The following MFSD11 variants were observed in gnomAD, a reference collection of about 807,000 sequenced individuals.
MFSD11 encodes the protein UNC93-like protein MFSD11.
MFSD11 carries 36 observed loss-of-function variants against 53.5 expected under a neutral mutation model. The observed-to-expected ratio is 0.67, with a 90% CI of 0.52 to 0.89. The LOEUF is 0.89. MFSD11 is among the 40% of genes least tolerant of loss of function. MFSD11 has a pLI of 0.00. For missense variants in MFSD11, 530 were observed against 543.9 expected (o/e 0.97, Z 0.25); for synonymous variants, 186 against 184.9 (o/e 1.01, Z -0.05).
At chr17:76,768,399 TAAAG>T (rs1052662284) in intron 9 of MFSD11, among the ~76,000 whole-genome samples, 5 of 152,014 alleles carry the variant, frequency 3.3e-5, no homozygotes, top group African/African-American at 1.2e-4. Context: ...TCAAGAATGA[TAAAG>T]AAATTTGTTT....
At chr17:76,744,585 G>A (rs2078386707) in intron 7 of MFSD11, 119 bp downstream of exon 7, 1 of 844,686 alleles carries the variant, frequency 1.2e-6, no homozygotes, top group Non-Finnish European at 1.7e-6. Context: ...GTTACCACAG[G>A]CAAGAAAAGG....
intron 9 of MFSD11, among the ~76,000 whole-genome samples, chr17:76,768,473 C>G (rs1033862850): frequency 1.3e-5 from 2 of 151,958 alleles, no homozygotes; most frequent in Non-Finnish European, 2.9e-5. Flanking sequence ...CTCATAGATA[C>G]AACATATTTT....
At chr17:76,744,616 G>T in intron 7 of MFSD11, 150 bp downstream of exon 7, 1 of 717,452 alleles carries the variant, frequency 1.4e-6, no homozygotes, top group Non-Finnish European at 2.2e-6. Context: ...AGGAGGAGCT[G>T]CGAGGGAGGA....
intron 7 of MFSD11, chr17:76,745,498 G>A (rs2078452188): frequency 6.6e-6 from 1 of 152,156 alleles, no homozygotes; most frequent in African/African-American, 2.4e-5. Flanking sequence ...GTGTCTCTCT[G>A]TCACATTTTG....
the MFSD11 span, among the ~76,000 whole-genome samples, chr17:76,797,331 C>T: frequency 2.6e-5 from 4 of 152,032 alleles, no homozygotes; most frequent in Non-Finnish European, 2.9e-5. Context: ...GGAAAAGGAG[C>T]GAGCAAGCCC....
At chr17:76,762,017 C>T (rs903014552) in intron 8 of MFSD11, among the ~76,000 whole-genome samples, 3 of 152,024 alleles carry the variant, frequency 2.0e-5, no homozygotes, top group Admixed American at 6.6e-5. Flanking sequence ...TATTCAGAGT[C>T]GTGTAACCAT....
rs544790701 is a variant in MFSD11, at chr17:76,738,528, C to G, written c.96+80C>G. On this transcript the variant is annotated intron_variant, in intron 1 of 12. Transcript: ENST00000685175. ...AAATGAAAATAAACGTTCATTATAT[C>G]TAATAGCGCGCTTTAATTGCATCTT... 35 of 976,606 alleles carry G rather than the reference C, an allele frequency of 3.6e-5. No individual in the cohort carries two copies. The African/African-American group carries it at 5.6e-4, about 16-fold the overall frequency. 60.5% of individuals were successfully genotyped at this position (976,606 alleles called of 1,614,324 possible).
At chr17:76,752,895 T>C (rs2079185457) in intron 7 of MFSD11, 2 of 152,048 alleles carry the variant, frequency 1.3e-5, no homozygotes, top group Admixed American at 1.3e-4. Flanking sequence ...TAGAAACATA[T>C]AACATATAAA....
At chr17:76,766,488 G>GT (rs898832816) in intron 8 of MFSD11, among the ~76,000 whole-genome samples, 1 of 151,576 alleles carries the variant, frequency 6.6e-6, no homozygotes, top group Admixed American at 6.6e-5. Flanking sequence ...TTTGCTAGTA[G>GT]TTTTTTAAGT....
At chr17:76,764,251 A>G (rs889736105) in intron 8 of MFSD11, among the ~76,000 whole-genome samples, 1 of 152,002 alleles carries the variant, frequency 6.6e-6, no homozygotes, top group African/African-American at 2.4e-5. Flanking sequence ...TTTTTTTTGC[A>G]TGTGTAATGA....
downstream of MFSD11, among the ~76,000 whole-genome samples, chr17:76,780,139 G>C (rs139458810): frequency 2.1e-3 from 327 of 152,108 alleles, 2 homozygotes; most frequent in African/African-American, 7.5e-3. Flanking sequence ...ATTTTAAAGT[G>C]TACATTCACA....
chr17:76,741,003 C>A lies in MFSD11; in HGVS notation c.199C>A (p.Pro67Thr). 3 of 1,612,630 alleles carry A rather than the reference C, an allele frequency of 1.9e-6. No individual in the cohort carries two copies. The highest frequency in any genetic ancestry group is 2.7e-5 in the African/African-American group (2 of 74,646). ...GTTCTCTGCTTCAAATTTGATTACACCGTCAGTGGTTGCCATTGTAGGACC... is the reference window on the plus strand; with the variant it reads ...GTTCTCTGCTTCAAATTTGATTACAACGTCAGTGGTTGCCATTGTAGGACC... ...GVFSASNLITPSVVAIVGPQL... is the reference protein window; with the variant it reads ...GVFSASNLITTSVVAIVGPQL... The change falls in exon 3 of 13, where the codon CCG (proline) becomes ACG (threonine). Residue 67 changes from proline to threonine, a missense_variant. Transcript: ENST00000685175.
In MFSD11 at chr17:76,773,446, T is replaced by C. The variant is rs561081785; in HGVS notation, c.875-1551T>C. On this transcript the variant is annotated intron_variant, in intron 10 of 12. Coordinates refer to ENST00000685175, the MANE Select transcript of MFSD11 (RefSeq NM_001242532.5). ...GTGATAGATGTGTAGTCATGTTTCA[T>C]TGTGGTTTTACTTTGTCTTTAATGG... The C allele has an allele frequency of 3.9e-5, 6 of 152,356 alleles. No homozygotes were observed. The East Asian group carries it at 1.2e-3, about 29-fold the overall frequency. The allele number at this position is 152,356 out of a possible 1,614,324, so 9.4% of individuals were successfully genotyped here.
intron 9 of MFSD11, 88 bp from the exon 10 acceptor site, chr17:76,769,658 A>G: frequency 9.8e-7 from 1 of 1,017,874 alleles, no homozygotes; most frequent in Non-Finnish European, 1.5e-6. Context: ...TTACTACGCA[A>G]GTATTCTTTC....
downstream of MFSD11, among the ~76,000 whole-genome samples, chr17:76,779,664 T>C (rs377450278): frequency 2.6e-5 from 4 of 152,022 alleles, no homozygotes; most frequent in African/African-American, 7.2e-5. Flanking sequence ...TTTGTATTTT[T>C]AGTAGAGATG....
At position 76,741,050 on chromosome 17, in the gene MFSD11, T is replaced by A; in HGVS notation, c.246T>A (p.Ser82Arg). The change falls in exon 3 of 13, where the codon AGT (serine) becomes AGA (arginine). Residue 82 changes from serine to arginine, a missense_variant. Ser to Arg is a moderately radical substitution (Grantham distance 110). Coordinates refer to ENST00000685175, the MANE Select transcript of MFSD11 (RefSeq NM_001242532.5). Reference protein sequence around the residue: ...IVGPQLSMFASGLFYSMYIAV... With the variant: ...IVGPQLSMFARGLFYSMYIAV... ...GACCTCAACTCTCTATGTTTGCCAG[T>A]GGTTTATTTTACAGGTAAGTAGTGT... is the stretch of plus-strand genomic sequence containing the variant. 6.2e-7 allele frequency: 1 copy of A among 1,603,184 alleles called. No homozygotes were observed. The highest frequency in any genetic ancestry group is 8.5e-7 in the Non-Finnish European group (1 of 1,170,168).
Position 76,741,977 on chromosome 17 carries a change from T to C in MFSD11, c.269T>C (p.Ile90Thr), listed in dbSNP as rs1017393529. The change falls in exon 4 of 13, where the codon ATT becomes ACT. Residue 90 changes from isoleucine to threonine, a missense_variant. Ile to Thr is a moderately conservative substitution (Grantham distance 89). Transcript: ENST00000685175. ...FASGLFYSMY[I>T]AVFIQPFPWS... Reference sequence around the variant, plus strand: ...GACCTGTTATATTTTAGCATGTACATTGCCGTTTTCATCCAGCCTTTCCCG... The same window carrying C: ...GACCTGTTATATTTTAGCATGTACACTGCCGTTTTCATCCAGCCTTTCCCG... 2 of 1,614,130 alleles carry C rather than the reference T, an allele frequency of 1.2e-6. No homozygotes were observed. The highest frequency in any genetic ancestry group is 1.7e-6 in the Non-Finnish European group (2 of 1,179,986).
At position 76,746,026 on chromosome 17, in the gene MFSD11, G is replaced by C. The variant is rs144531710; in HGVS notation, c.641+1560G>C. On this transcript the variant is annotated intron_variant, in intron 7 of 12. Transcript: ENST00000685175. ...GAAGACATGTAGAAAGCTGAGACAGGCTGAAAGCTATGCCTCTTGTGCCAA... is the reference window on the plus strand; with the variant it reads ...GAAGACATGTAGAAAGCTGAGACAGCCTGAAAGCTATGCCTCTTGTGCCAA... Among the ~76,000 whole-genome samples, 129 of 152,214 alleles carry C rather than the reference G, an allele frequency of 8.5e-4. 2 individuals carry two copies. In the East Asian group the frequency reaches 0.024, roughly 28 times the overall value.
chr17:76,742,252 T>A lies in MFSD11; in HGVS notation c.416T>A (p.Phe139Tyr). 6.2e-7 allele frequency: 1 copy of A among 1,614,126 alleles called. No individual in the cohort carries two copies. The highest frequency in any genetic ancestry group is 8.5e-7 in the Non-Finnish European group (1 of 1,179,938). ...EHSIGRNSGIFWALLQSSLFF... is the reference protein window; with the variant it reads ...EHSIGRNSGIYWALLQSSLFF... The stretch of plus-strand genomic sequence containing the variant: ...AGCATTGGGAGAAACAGTGGGATTT[T>A]CTGGGCACTTCTGCAGTCTAGGTAA... Residue 139 changes from phenylalanine to tyrosine, a missense_variant, in exon 5 of 13, where the codon TTC becomes TAC. Physicochemically the swap from Phe to Tyr is conservative, Grantham distance 22. Coordinates refer to ENST00000685175, the MANE Select transcript of MFSD11 (RefSeq NM_001242532.5).
Sources: gnomAD v4.1 joint callset for allele counts (sites outside exome capture counted in the v4.1 genomes callset) on GRCh38, gnomAD v4.1.1 for gene constraint, MANE v1.5 for transcripts, NCBI Gene and HGNC (gene_info 2026-07-23, HGNC 2026-07-21) for gene names.